The following LRP5 variants were observed in gnomAD, a reference collection of about 807,000 sequenced individuals.
LRP5 encodes LDL receptor related protein 5, also known as low-density lipoprotein receptor-related protein 5.
Under a neutral mutation model 154.1 loss-of-function variants are expected in LRP5, and 62 were observed. The observed-to-expected ratio is 0.40, with a 90% confidence interval of 0.33 to 0.50. The LOEUF (loss-of-function observed/expected upper bound fraction) is 0.50. Ranked by LOEUF, LRP5 falls within the 20% of genes least tolerant of loss-of-function variation. The probability of loss-of-function intolerance (pLI) is 0.55; values close to 1 mark genes in which losing one functional copy is unlikely to be tolerated. For synonymous variants in LRP5, 966 were observed against 1,011.5 expected (o/e 0.96, Z 0.85); for missense variants, 1,915 against 2,336.7 (o/e 0.82, Z 3.72).
chr11:68,300,098 G>T, the LRP5 span, among the ~76,000 whole-genome samples: 1 of 147,910 alleles, frequency 6.8e-6, no homozygotes, highest in Non-Finnish European at 1.5e-5. Flanking sequence ...GGCCAGGATG[G>T]TCTCAATCTC....
intron 19 of LRP5, among the ~76,000 whole-genome samples, chr11:68,438,125 G>A (rs1333582699): frequency 2.0e-5 from 3 of 152,146 alleles, no homozygotes; most frequent in South Asian, 4.1e-4. Context: ...TGGCCAGGGC[G>A]CGCTCACTTC....
At chr11:68,354,451 G>T (rs751141503) in intron 2 of LRP5, among the ~76,000 whole-genome samples, 6 of 152,218 alleles carry the variant, frequency 3.9e-5, no homozygotes, top group Non-Finnish European at 8.8e-5. Flanking sequence ...TTTGGGGAAG[G>T]CCTGTGTGGA....
chr11:68,342,226 T>TCTACTCTG (rs1240284457), intron 1 of LRP5, among the ~76,000 whole-genome samples: 7 of 152,150 alleles, frequency 4.6e-5, no homozygotes, highest in South Asian at 2.1e-4. Context: ...GCCCTTCCCT[T>TCTACTCTG]CTACTCTGCT....
chr11:68,440,210 G>A (rs781589184), intron 21 of LRP5, among the ~76,000 whole-genome samples: 25 of 152,202 alleles, frequency 1.6e-4, no homozygotes, highest in Non-Finnish European at 2.9e-4. Flanking sequence ...TGTTCCGCAC[G>A]GCCCAGCCCA....
chr11:68,415,349 T>C (rs917870041), intron 12 of LRP5, among the ~76,000 whole-genome samples: 3 of 152,168 alleles, frequency 2.0e-5, no homozygotes, highest in Non-Finnish European at 4.4e-5. Context: ...CATAGGCACA[T>C]AGCAAACCGC....
At chr11:68,422,000 T>C (rs1430350463) in intron 13 of LRP5, among the ~76,000 whole-genome samples, 1 of 152,100 alleles carries the variant, frequency 6.6e-6, no homozygotes, top group Non-Finnish European at 1.5e-5. Flanking sequence ...TGAGCATAGC[T>C]CACTGCAGCC....
At chr11:68,395,354 G>T (rs2153158213) in intron 7 of LRP5, among the ~76,000 whole-genome samples, 1 of 151,544 alleles carries the variant, frequency 6.6e-6, no homozygotes, top group South Asian at 2.1e-4. Flanking sequence ...AAGTGGGGGG[G>T]CGTCACAGTA....
At chr11:68,412,732 G>T (rs2098660331) in intron 11 of LRP5, among the ~76,000 whole-genome samples, 1 of 152,102 alleles carries the variant, frequency 6.6e-6, no homozygotes, top group Non-Finnish European at 1.5e-5. Context: ...GGAGGAGAGG[G>T]TCACCTGGGC....
intron 19 of LRP5, among the ~76,000 whole-genome samples, chr11:68,437,860 C>T (rs1471869688): frequency 3.9e-5 from 6 of 152,248 alleles, no homozygotes; most frequent in African/African-American, 1.4e-4. Flanking sequence ...GATGCGCAGC[C>T]AGGCCTCGCC....
At chr11:68,404,839 A>G (rs1210421) in intron 8 of LRP5, among the ~76,000 whole-genome samples, 124,708 of 150,606 alleles carry the variant, frequency 0.83, 53,234 homozygotes, top group East Asian at 0.98. Context: ...GTGCGGTGGC[A>G]GGCGCCTGTA....
intron 5 of LRP5, among the ~76,000 whole-genome samples, chr11:68,374,876 A>T (rs1171926849): frequency 6.6e-6 from 1 of 152,222 alleles, no homozygotes; most frequent in South Asian, 2.1e-4. Context: ...GAGCGGGGGC[A>T]CAGGGGGAAT....
Position 68,403,656 on chromosome 11 carries a change from C to T in LRP5, c.1758C>T (p.Pro586=), listed in dbSNP as rs751940504. Residue 586 remains proline, a synonymous_variant, in exon 8 of 23, where the codon CCC becomes CCT. Transcript: ENST00000294304. ...GGGACGTCATCATTGACCAGCTGCC[C>T]GACCTGATGGGGCTCAAAGCTGTGA... The part of the protein sequence containing the change: ...ASRDVIIDQL[P]DLMGLKAVNV... 24 of 1,613,950 alleles carry T rather than the reference C, an allele frequency of 1.5e-5. No homozygotes were observed. The highest frequency in any genetic ancestry group is 2.2e-5 in the East Asian group (1 of 44,884).
chr11:68,389,462 T>C (rs978736773), intron 6 of LRP5, among the ~76,000 whole-genome samples: 3 of 151,928 alleles, frequency 2.0e-5, no homozygotes, highest in African/African-American at 7.2e-5. Context: ...CTACTGACAC[T>C]GGCATCTACT....
chr11:68,449,096 C>T lies in LRP5; in HGVS notation c.*26C>T. 2.0e-6 allele frequency: 3 copies of T among 1,506,046 alleles called. No individual in the cohort carries two copies. The highest frequency in any genetic ancestry group is 2.7e-6 in the Non-Finnish European group (3 of 1,131,746). 93.3% of individuals were successfully genotyped at this position (1,506,046 alleles called of 1,614,324 possible). A position where few individuals can be genotyped will look rare whatever the true frequency, so the allele number is the denominator to read the frequency against. ...CCTCGGCCGGGCCACTCTGGCTTCTCTGTGCCCCTGTAAATAGTTTTAAAT... is the reference window on the plus strand; with the variant it reads ...CCTCGGCCGGGCCACTCTGGCTTCTTTGTGCCCCTGTAAATAGTTTTAAAT... On this transcript the variant is annotated 3_prime_UTR_variant, in exon 23 of 23. Coordinates refer to ENST00000294304, the MANE Select transcript of LRP5 (RefSeq NM_002335.4).
intron 7 of LRP5, among the ~76,000 whole-genome samples, chr11:68,394,925 C>T (rs1043386218): frequency 6.6e-6 from 1 of 152,224 alleles, no homozygotes; most frequent in Non-Finnish European, 1.5e-5. Flanking sequence ...GCGGAGGTCA[C>T]ATCCTTGGCT....
chr11:68,411,427 G>A lies in LRP5; in HGVS notation c.2319-9G>A. 2 of 1,609,880 alleles carry A rather than the reference G, an allele frequency of 1.2e-6. No homozygotes were observed. The highest frequency in any genetic ancestry group is 1.7e-6 in the Non-Finnish European group (2 of 1,179,994). On this transcript the variant is annotated splice_polypyrimidine_tract_variant and intron_variant, in intron 10 of 22. Coordinates refer to ENST00000294304, the MANE Select transcript of LRP5 (RefSeq NM_002335.4). Reference sequence around the variant, plus strand: ...CACTGAGCCTGCCCTTCTCCCTTGTGCCTTCCAGCTACATCTACTGGACCG... The same window carrying A: ...CACTGAGCCTGCCCTTCTCCCTTGTACCTTCCAGCTACATCTACTGGACCG...
At chr11:68,360,485 G>C (rs555081116) in intron 3 of LRP5, among the ~76,000 whole-genome samples, 1 of 152,214 alleles carries the variant, frequency 6.6e-6, no homozygotes, top group Non-Finnish European at 1.5e-5. Context: ...CCTCTGCAGC[G>C]GCCATCGCTC....
intron 18 of LRP5, among the ~76,000 whole-genome samples, chr11:68,436,255 A>G (rs1246791729): frequency 1.3e-5 from 2 of 152,088 alleles, no homozygotes; most frequent in East Asian, 3.9e-4. Context: ...CCAGGGCAGG[A>G]CACCGGGGGC....
rs182526950 is a variant in LRP5, at chr11:68,447,470, G to C, written c.4586+937G>C. Among the ~76,000 whole-genome samples the C allele has an allele frequency of 6.6e-6, 1 of 152,082 alleles. No homozygotes were observed. The highest frequency in any genetic ancestry group is 1.5e-5 in the Non-Finnish European group (1 of 68,008). On this transcript the variant is annotated intron_variant, in intron 22 of 22. Transcript: ENST00000294304. The surrounding 1 kb of genome is among the most constrained non-coding windows in gnomAD (Gnocchi z 4.3). ...GCAGCCTCCATTTCCACCCCACTCCGGGTCGGGCCACCTCCCTGATGCCTC... is the reference window on the plus strand; with the variant it reads ...GCAGCCTCCATTTCCACCCCACTCCCGGTCGGGCCACCTCCCTGATGCCTC...
Sources: allele counts gnomAD v4.1 joint callset (sites outside exome capture counted in the v4.1 genomes callset), GRCh38; gene constraint gnomAD v4.1.1; non-coding constraint Gnocchi (gnomAD v3.1); transcripts MANE v1.5; gene names NCBI Gene and HGNC (gene_info 2026-07-23, HGNC 2026-07-21).